ULK4: variants seen among roughly 807,000 people sequenced by gnomAD.
The protein encoded by ULK4 is inactive serine/threonine-protein kinase ULK4.
Under a neutral mutation model 160.6 loss-of-function variants are expected in ULK4, and 133 were observed. The observed-to-expected ratio is 0.83, with a 90% CI of 0.72 to 0.96. ULK4 has a LOEUF of 0.96. Among genes scored for constraint, ULK4 ranks in the 40% least tolerant of loss-of-function variants. The probability of loss-of-function intolerance (pLI) is 0.00; values close to 1 mark genes in which losing one functional copy is unlikely to be tolerated. For synonymous variants in ULK4, 534 were observed against 539.8 expected (o/e 0.99, Z 0.15); for missense variants, 1,580 against 1,499.5 (o/e 1.05, Z -0.89).
chr3:41,255,665 A>G (rs991958031), intron 35 of ULK4, among the ~76,000 whole-genome samples: 3 of 139,048 alleles, frequency 2.2e-5, no homozygotes, highest in Admixed American at 7.3e-5. Context: ...TAAATTGGCC[A>G]GGAAGATACA....
intron 25 of ULK4, among the ~76,000 whole-genome samples, chr3:41,711,892 G>C (rs558914706): frequency 1.3e-5 from 2 of 152,290 alleles, no homozygotes; most frequent in South Asian, 4.1e-4. Context: ...ATTCACCACA[G>C]AACTTCCCCA....
intron 13 of ULK4, among the ~76,000 whole-genome samples, chr3:41,899,753 C>T (rs937127242): frequency 2.6e-5 from 4 of 152,102 alleles, no homozygotes; most frequent in Non-Finnish European, 5.9e-5. Context: ...CTAGAAAGCC[C>T]ACGTTGAAAA....
At chr3:41,546,062 T>C (rs2125959027) in intron 32 of ULK4, among the ~76,000 whole-genome samples, 1 of 152,324 alleles carries the variant, frequency 6.6e-6, no homozygotes, top group Middle Eastern at 3.4e-3. Flanking sequence ...ACCTGTTAAT[T>C]CCAACATCTG....
chr3:41,890,604 G>A (rs1479542998), intron 16 of ULK4, among the ~76,000 whole-genome samples: 4 of 150,850 alleles, frequency 2.7e-5, no homozygotes, highest in Admixed American at 6.6e-5. Flanking sequence ...CCTTGAACCC[G>A]GGAGGTGGAG....
intron 2 of ULK4, among the ~76,000 whole-genome samples, chr3:41,950,312 C>T (rs1700247119): frequency 6.6e-6 from 1 of 152,142 alleles, no homozygotes; most frequent in Non-Finnish European, 1.5e-5. Context: ...GCAATCTTGG[C>T]TCACTGCAAC....
intron 35 of ULK4, among the ~76,000 whole-genome samples, chr3:41,307,275 ATCC>A (rs2079964908): frequency 6.6e-6 from 1 of 152,172 alleles, no homozygotes; most frequent in African/African-American, 2.4e-5. Context: ...ACCCTTGGGA[ATCC>A]TCCTCTGTGC....
At chr3:41,636,077 T>TC (rs1205365895) in intron 30 of ULK4, among the ~76,000 whole-genome samples, 7 of 152,106 alleles carry the variant, frequency 4.6e-5, no homozygotes, top group Admixed American at 3.3e-4. Flanking sequence ...CAGTCCTCAC[T>TC]CAATTCTCTA....
At chr3:41,566,197 A>T in intron 31 of ULK4, 67 bp from the exon 32 acceptor site, 1 of 1,395,388 alleles carries the variant, frequency 7.2e-7, no homozygotes, top group Non-Finnish European at 1.0e-6. Context: ...AAAGACAAAT[A>T]AGCAAATGAT....
At chr3:41,637,799 G>T (rs1387630496) in intron 30 of ULK4, among the ~76,000 whole-genome samples, 1 of 152,136 alleles carries the variant, frequency 6.6e-6, no homozygotes, top group Non-Finnish European at 1.5e-5. Context: ...TAGTAATAGT[G>T]AGCATTTCTT....
intron 20 of ULK4, among the ~76,000 whole-genome samples, chr3:41,790,251 C>A (rs1249330404): frequency 6.6e-6 from 1 of 152,146 alleles, no homozygotes; most frequent in East Asian, 1.9e-4. Context: ...CTGAAGATTA[C>A]CTCAATTAAT....
intron 35 of ULK4, among the ~76,000 whole-genome samples, chr3:41,313,404 C>G (rs1187577232): frequency 2.0e-5 from 3 of 152,130 alleles, no homozygotes; most frequent in Non-Finnish European, 2.9e-5. Flanking sequence ...GCTGTTATTC[C>G]TATTGCTGGT....
intron 32 of ULK4, among the ~76,000 whole-genome samples, chr3:41,522,667 C>A (rs1057144672): frequency 6.6e-6 from 1 of 152,106 alleles, no homozygotes; most frequent in Non-Finnish European, 1.5e-5. Context: ...TATTTCAAAA[C>A]TAAAGTCAGA....
chr3:41,584,908 G>C (rs1246196630), intron 31 of ULK4, among the ~76,000 whole-genome samples: 1 of 152,032 alleles, frequency 6.6e-6, no homozygotes, highest in African/African-American at 2.4e-5. Context: ...ATTTACAATA[G>C]CATCAAAAAG....
At chr3:41,642,441 T>C (rs955466175) in intron 30 of ULK4, among the ~76,000 whole-genome samples, 2 of 152,172 alleles carry the variant, frequency 1.3e-5, no homozygotes, top group African/African-American at 4.8e-5. Flanking sequence ...CATGCAGTGT[T>C]TGGTTTTTTG....
intron 32 of ULK4, among the ~76,000 whole-genome samples, chr3:41,564,320 G>A (rs960076636): frequency 6.6e-6 from 1 of 152,092 alleles, no homozygotes; most frequent in Non-Finnish European, 1.5e-5. Flanking sequence ...GTGTCTGCCA[G>A]TTAGGCTACA....
chr3:41,775,404 T>C (rs2039571742), intron 21 of ULK4, among the ~76,000 whole-genome samples: 1 of 149,786 alleles, frequency 6.7e-6, no homozygotes, highest in Non-Finnish European at 1.5e-5. Flanking sequence ...AACTCCTTTT[T>C]TTTTTTTTTA....
chr3:41,522,936 G>C (rs1341534090), intron 32 of ULK4, among the ~76,000 whole-genome samples: 1 of 152,116 alleles, frequency 6.6e-6, no homozygotes, highest in Admixed American at 6.6e-5. Flanking sequence ...TTTTGAGACA[G>C]AGTCTTGCTC....
At chr3:41,786,496 G>T (rs2040000114) in intron 21 of ULK4, among the ~76,000 whole-genome samples, 1 of 151,646 alleles carries the variant, frequency 6.6e-6, no homozygotes, top group Admixed American at 6.6e-5. Context: ...CAGCTACTCA[G>T]GAGGCTGAGG....
chr3:41,253,033 T>C (rs1248569194), intron 35 of ULK4, among the ~76,000 whole-genome samples: 1 of 152,142 alleles, frequency 6.6e-6, no homozygotes, highest in Non-Finnish European at 1.5e-5. Context: ...GTTATATACC[T>C]AGAAGATATC....
Sources: allele counts gnomAD v4.1 joint callset (sites outside exome capture counted in the v4.1 genomes callset), GRCh38; gene constraint gnomAD v4.1.1; transcripts MANE v1.5; gene names NCBI Gene and HGNC (gene_info 2026-07-23, HGNC 2026-07-21).